Variants in RBFOX3 observed in about 807,000 individuals in gnomAD.
RBFOX3 encodes the protein RNA binding fox-1 homolog 3.
RBFOX3 carries 17 observed loss-of-function variants against 48.7 expected under a neutral mutation model. The observed-to-expected ratio is 0.35, with a 90% CI of 0.24 to 0.52. RBFOX3 has a LOEUF of 0.52. Ranked by LOEUF, RBFOX3 falls within the 20% of genes least tolerant of loss-of-function variation. RBFOX3 has a pLI of 0.94. For missense variants in RBFOX3, 382 were observed against 497.5 expected (o/e 0.77, Z 2.21); for synonymous variants, 212 against 209.5 (o/e 1.01, Z -0.10).
Position 79,095,457 on chromosome 17 carries a change from T to C in RBFOX3, c.998+56A>G, listed in dbSNP as rs1034341167. 33 of 1,477,094 alleles carry C rather than the reference T, an allele frequency of 2.2e-5. No individual in the cohort carries two copies. The Admixed American group carries it at 4.7e-4, about 21-fold the overall frequency. 91.5% of individuals were successfully genotyped at this position (1,477,094 alleles called of 1,614,324 possible). On this transcript the variant is annotated intron_variant, in intron 13 of 14. Transcript: ENST00000693108. ...CTGTCTGGGCCCAGCTCCCCAGGGA[T>C]CCTTGTCCATCTTCTCCCCACCCTG...
At position 79,364,243 on chromosome 17, in the gene RBFOX3, G is replaced by C. The variant is rs972797511; in HGVS notation, c.-174-56419C>G. 6.6e-6 allele frequency among the ~76,000 whole-genome samples: 1 copy of C among 152,246 alleles called. No individual in the cohort carries two copies. Among genetic ancestry groups the C allele is most frequent in the Non-Finnish European group, 1.5e-5 (1 of 68,048 alleles). ...GTAGGTCTGGCACAAAGTGAGCAGA[G>C]ATGGTAGCCATCAGTTGACAGGATC... On this transcript the variant is annotated intron_variant, in intron 2 of 14. Coordinates refer to ENST00000693108, the MANE Select transcript of RBFOX3 (RefSeq NM_001350451.2). The surrounding 1 kb of genome is among the most constrained non-coding windows in gnomAD (Gnocchi z 5.1).
At chr17:79,306,128 C>T (rs949959235) in intron 3 of RBFOX3, among the ~76,000 whole-genome samples, 5 of 152,258 alleles carry the variant, frequency 3.3e-5, no homozygotes, top group African/African-American at 1.2e-4. Flanking sequence ...CATCCTGACC[C>T]GAGGCCTGCA....
chr17:79,504,339 G>T (rs892036097), intron 1 of RBFOX3, among the ~76,000 whole-genome samples: 2 of 152,184 alleles, frequency 1.3e-5, no homozygotes, highest in Non-Finnish European at 2.9e-5. Context: ...AGAGTAGCTC[G>T]CTCACTAGCA....
intron 1 of RBFOX3, among the ~76,000 whole-genome samples, chr17:79,539,085 C>T (rs2089294009): frequency 6.6e-6 from 1 of 152,204 alleles, no homozygotes; most frequent in Admixed American, 6.5e-5. Context: ...GGTGTGGTGG[C>T]TCATGCCTGT....
chr17:79,114,904 C>A (rs1299438027), intron 5 of RBFOX3, among the ~76,000 whole-genome samples: 1 of 152,246 alleles, frequency 6.6e-6, no homozygotes, highest in Non-Finnish European at 1.5e-5. Context: ...TGCTGGCTCT[C>A]TTTGCTCTCA....
the RBFOX3 span, among the ~76,000 whole-genome samples, chr17:79,620,159 GGACATGCA>G: frequency 0.041 from 986 of 24,224 alleles, 20 homozygotes; most frequent in Admixed American, 0.12. Context: ...ATGCACGCGC[GGACATGCA>G]CACACATGCA....
chr17:79,420,128 T>TAC (rs58282867), intron 2 of RBFOX3, among the ~76,000 whole-genome samples: 4,089 of 114,174 alleles, frequency 0.036, 99 homozygotes, highest in Middle Eastern at 0.064. Context: ...CTCCGTCTCA[T>TAC]ACACACACAC....
chr17:79,306,291 G>A (rs1408325015), intron 3 of RBFOX3, among the ~76,000 whole-genome samples: 2 of 152,230 alleles, frequency 1.3e-5, no homozygotes, highest in South Asian at 2.1e-4. Context: ...ACATCTCCCC[G>A]GCCCACGGCA....
intron 1 of RBFOX3, among the ~76,000 whole-genome samples, chr17:79,559,895 T>G: frequency 2.4e-5 from 2 of 84,366 alleles, no homozygotes; most frequent in Non-Finnish European, 4.5e-5. Flanking sequence ...GGTAGGTGGA[T>G]GGGTGGGTGG....
chr17:79,315,482 G>A (rs1177196468), intron 2 of RBFOX3, among the ~76,000 whole-genome samples: 11 of 152,220 alleles, frequency 7.2e-5, no homozygotes, highest in Non-Finnish European at 1.2e-4. Context: ...CCCATCCCCC[G>A]ACAGATGGGA....
chr17:79,618,660 G>T, the RBFOX3 span, among the ~76,000 whole-genome samples: 2 of 152,176 alleles, frequency 1.3e-5, no homozygotes, highest in East Asian at 3.9e-4. Flanking sequence ...TTTTCCGGAG[G>T]ATGGAGAAGA....
intron 2 of RBFOX3, among the ~76,000 whole-genome samples, chr17:79,328,228 T>TTGGAGGAAG: frequency 6.6e-6 from 1 of 152,158 alleles, no homozygotes; most frequent in Non-Finnish European, 1.5e-5. Flanking sequence ...GAGGCTGGAT[T>TTGGAGGAAG]GGGGAGCAGG....
chr17:79,158,438 C>A (rs978695400), intron 4 of RBFOX3, among the ~76,000 whole-genome samples: 2 of 152,232 alleles, frequency 1.3e-5, no homozygotes, highest in Admixed American at 6.5e-5. Context: ...GAGCCTGGAG[C>A]AGGCTGAGCA....
upstream of RBFOX3, among the ~76,000 whole-genome samples, chr17:79,611,732 C>A (rs1280891970): frequency 6.6e-6 from 1 of 152,220 alleles, no homozygotes; most frequent in Non-Finnish European, 1.5e-5. Context: ...ACCCCAAACC[C>A]CCTCACTAGG....
In RBFOX3 at chr17:79,214,141, T is replaced by A. The variant is rs895756452; in HGVS notation, c.-34+21625A>T. On this transcript the variant is annotated intron_variant, in intron 4 of 14. Coordinates refer to ENST00000693108, the MANE Select transcript of RBFOX3 (RefSeq NM_001350451.2). This position sits in a 1 kb window ranked among gnomAD's most constrained non-coding sequence, Gnocchi z 4.7. ...AGTGAACTTCTTTGGTAAACCATGA[T>A]GGATCTCTCTTTAGGAACTGCCCCT... Among the ~76,000 whole-genome samples, 1 of 152,206 alleles carries A rather than the reference T, an allele frequency of 6.6e-6. No individual in the cohort carries two copies. The highest frequency in any genetic ancestry group is 2.4e-5 in the African/African-American group (1 of 41,456).
At chr17:79,616,504 C>T in the RBFOX3 span, among the ~76,000 whole-genome samples, 6 of 151,696 alleles carry the variant, frequency 4.0e-5, no homozygotes, top group Admixed American at 2.0e-4. Context: ...CCACTGCACT[C>T]CGGCTTGGGC....
chr17:79,315,506 G>C (rs1568027237), intron 2 of RBFOX3, among the ~76,000 whole-genome samples: 2 of 152,254 alleles, frequency 1.3e-5, no homozygotes, highest in South Asian at 4.1e-4. Context: ...GCAGGGGTAG[G>C]GGAAGAGCGG....
At chr17:79,608,990 A>T (rs2093906656) in intron 1 of RBFOX3, among the ~76,000 whole-genome samples, 1 of 132,188 alleles carries the variant, frequency 7.6e-6, no homozygotes, top group Non-Finnish European at 1.6e-5. Flanking sequence ...GCGCCCCTGC[A>T]AGAGGCCCAT....
intron 9 of RBFOX3, chr17:79,098,779 T>C (rs1053743131): frequency 6.6e-6 from 1 of 152,354 alleles, no homozygotes; most frequent in African/African-American, 2.4e-5. Flanking sequence ...CCAGGTCTTA[T>C]CTCTACAGCA....
Sources: allele counts gnomAD v4.1 joint callset (sites outside exome capture counted in the v4.1 genomes callset), GRCh38; gene constraint gnomAD v4.1.1; non-coding constraint Gnocchi (gnomAD v3.1); transcripts MANE v1.5; gene names NCBI Gene and HGNC (gene_info 2026-07-23, HGNC 2026-07-21).